TRIM42: variants seen among roughly 807,000 people sequenced by gnomAD.
The protein encoded by TRIM42 is tripartite motif-containing protein 42.
In TRIM42, 59 loss-of-function variants were observed where a neutral mutation model predicts 64.9. The observed-to-expected ratio is 0.91, with a 90% confidence interval of 0.74 to 1.13. TRIM42 has a LOEUF of 1.13. Among genes scored for constraint, TRIM42 ranks in the 50% most tolerant of loss-of-function variants. The probability of loss-of-function intolerance (pLI) is 0.00; values close to 1 mark genes in which losing one functional copy is unlikely to be tolerated. For missense variants in TRIM42, 878 were observed against 929.5 expected, an observed-to-expected ratio of 0.94 and a Z score of 0.72; for synonymous variants, 354 against 346.3, an observed-to-expected ratio of 1.02 and a Z score of -0.25.
Position 140,688,544 on chromosome 3 carries a change from T to C in TRIM42, c.1860+2T>C, listed in dbSNP as rs1305632811. The C allele has an allele frequency of 6.2e-7, 1 of 1,601,066 alleles. No homozygotes were observed. The highest frequency in any genetic ancestry group is 1.1e-5 in the South Asian group (1 of 88,950). On this transcript the variant is annotated splice_donor_variant, in intron 3 of 4. Coordinates refer to ENST00000286349, the MANE Select transcript of TRIM42 (RefSeq NM_152616.5). LOFTEE classifies it high-confidence loss of function. ...CTGGTGTACCCAAGAGCTGCCAAGG[T>C]AAGAAAGGTTCTGGGCCCAGTGGGG... is the stretch of plus-strand genomic sequence containing the variant.
intron 2 of TRIM42, among the ~76,000 whole-genome samples, chr3:140,686,775 G>A (rs894353874): frequency 6.6e-6 from 1 of 152,148 alleles, no homozygotes; most frequent in African/African-American, 2.4e-5. Flanking sequence ...CCACAGAAGG[G>A]TGACATTCTT....
chr3:140,689,048 A>G (rs1413053855), intron 3 of TRIM42, among the ~76,000 whole-genome samples: 3 of 152,112 alleles, frequency 2.0e-5, no homozygotes, highest in Non-Finnish European at 2.9e-5. Context: ...TGAAATTTCA[A>G]CTCTTCTGAG....
At chr3:140,685,724 T>C (rs1988530307) in intron 2 of TRIM42, among the ~76,000 whole-genome samples, 2 of 152,158 alleles carry the variant, frequency 1.3e-5, no homozygotes, top group African/African-American at 4.8e-5. Flanking sequence ...GAGCCACAGC[T>C]GAAGCAATTA....
chr3:140,683,241 G>T (rs1294332350), intron 2 of TRIM42, 82 bp downstream of exon 2: 9 of 1,404,748 alleles, frequency 6.4e-6, no homozygotes, highest in Non-Finnish European at 8.9e-6. Context: ...TCTGTTAAGT[G>T]AGTGCCTTAA....
intron 4 of TRIM42, among the ~76,000 whole-genome samples, chr3:140,696,383 G>A (rs148533779): frequency 1.3e-5 from 2 of 152,226 alleles, no homozygotes; most frequent in African/African-American, 4.8e-5. Flanking sequence ...GATAACACCT[G>A]ATCTTTCAGA....
Position 140,687,789 on chromosome 3 carries a change from G to A in TRIM42, c.1107G>A (p.Lys369=). ...NILKNSFKAD[K]EAKRKEIRNG... ...TAAAAAACAGCTTTAAAGCTGACAA[G>A]GAGGCAAAGCGAAAAGAGATCAGAA... Residue 369 remains lysine (K), a synonymous_variant, in exon 3 of 5, where the codon AAG becomes AAA. Coordinates refer to ENST00000286349, the MANE Select transcript of TRIM42 (RefSeq NM_152616.5). 1.2e-6 allele frequency: 2 copies of A among 1,614,194 alleles called. No individual in the cohort carries two copies. The highest frequency in any genetic ancestry group is 2.2e-5 in the East Asian group (1 of 44,882).
At chr3:140,697,320 A>G (rs1988876806) in intron 4 of TRIM42, among the ~76,000 whole-genome samples, 1 of 152,218 alleles carries the variant, frequency 6.6e-6, no homozygotes, top group South Asian at 2.1e-4. Flanking sequence ...ACTTCATAAA[A>G]TAGCAGAAAT....
chr3:140,692,646 C>T (rs1015376516), intron 4 of TRIM42, among the ~76,000 whole-genome samples: 24 of 152,082 alleles, frequency 1.6e-4, no homozygotes, highest in Non-Finnish European at 2.9e-5. Context: ...AGCCACTCCT[C>T]CTGCCAGCCT....
At chr3:140,700,339 T>C (rs1469799985) in intron 4 of TRIM42, among the ~76,000 whole-genome samples, 2 of 152,098 alleles carry the variant, frequency 1.3e-5, no homozygotes, top group South Asian at 2.1e-4. Context: ...AACTGGCAGA[T>C]TTACAAATTA....
At chr3:140,692,114 C>T (rs10049037) in intron 4 of TRIM42, among the ~76,000 whole-genome samples, 5 of 152,078 alleles carry the variant, frequency 3.3e-5, no homozygotes, top group Non-Finnish European at 5.9e-5. Context: ...CAGTTTCTCT[C>T]CCTCTCCCTC....
Position 140,687,702 on chromosome 3 carries a change from C to T in TRIM42, c.1040-20C>T. 6.4e-7 allele frequency: 1 copy of T among 1,574,552 alleles called. No individual in the cohort carries two copies. The highest frequency in any genetic ancestry group is 8.6e-7 in the Non-Finnish European group (1 of 1,160,546). On this transcript the variant is annotated intron_variant, in intron 2 of 4. Coordinates refer to ENST00000286349, the MANE Select transcript of TRIM42 (RefSeq NM_152616.5). ...GGGGAGATGAAAATTTTAAAAGTAACTAACTTGGCATTTTTGCAGTCCGAT... is the reference window on the plus strand; with the variant it reads ...GGGGAGATGAAAATTTTAAAAGTAATTAACTTGGCATTTTTGCAGTCCGAT...
Position 140,688,242 on chromosome 3 carries a change from C to T in TRIM42, c.1560C>T (p.Val520=). The part of the protein sequence containing the change: ...VHSETMIARK[V]TFSTHSLGNQ... The stretch of plus-strand genomic sequence containing the variant: ...CAGAAACAATGATTGCCAGGAAGGT[C>T]ACTTTCAGCACCCACAGCCTCGGCA... Residue 520 remains valine (V), a synonymous_variant, in exon 3 of 5, where the codon GTC becomes GTT. Transcript: ENST00000286349. The T allele has an allele frequency of 6.2e-7, 1 of 1,614,188 alleles. No individual in the cohort carries two copies. Among genetic ancestry groups the T allele is most frequent in the Non-Finnish European group, 8.5e-7 (1 of 1,180,038 alleles).
rs757930160 is a variant in TRIM42, at chr3:140,700,919, G to A, written c.2117G>A (p.Arg706Gln). The A allele has an allele frequency of 1.4e-5, 22 of 1,614,010 alleles. No homozygotes were observed. The highest frequency in any genetic ancestry group is 6.7e-5 in the African/African-American group (5 of 74,930). ...VVTPDGHGKN[R>Q]AKWGLLKNIQ... is the part of the protein sequence containing the mutation. Reference sequence around the variant, plus strand: ...ACACCAGATGGACATGGGAAGAACCGAGCTAAGTGGGGCCTGCTGAAGAAT... The same window carrying A: ...ACACCAGATGGACATGGGAAGAACCAAGCTAAGTGGGGCCTGCTGAAGAAT... Residue 706 changes from arginine to glutamine, a missense_variant, in exon 5 of 5, where the codon CGA becomes CAA. By Grantham distance (43) the Arg-to-Gln change is conservative. Transcript: ENST00000286349.
At chr3:140,693,347 G>A (rs1988769788) in intron 4 of TRIM42, among the ~76,000 whole-genome samples, 1 of 152,158 alleles carries the variant, frequency 6.6e-6, no homozygotes, top group Non-Finnish European at 1.5e-5. Context: ...ATATCTAAAT[G>A]AGCAGAGCCC....
intron 1 of TRIM42, chr3:140,680,808 C>A: frequency 2.1e-6 from 1 of 475,764 alleles, no homozygotes; most frequent in Non-Finnish European, 2.7e-6. Context: ...TTCTCTGTCA[C>A]CACAGGGCCA....
At chr3:140,683,967 C>G (rs1278577138) in intron 2 of TRIM42, among the ~76,000 whole-genome samples, 4 of 152,060 alleles carry the variant, frequency 2.6e-5, no homozygotes, top group Non-Finnish European at 5.9e-5. Context: ...GGGACAAAAC[C>G]AAGTATAATA....
Position 140,687,844 on chromosome 3 carries a change from C to G in TRIM42, c.1162C>G (p.Gln388Glu). The part of the protein sequence containing the change: ...NGFLKLRSIL[Q>E]EKEKIIMEQI... ...CTTTCTCAAGTTGCGCAGCATTCTT[C>G]AGGAGAAAGAGAAGATCATCATGGA... Residue 388 changes from glutamine to glutamate, a missense_variant, in exon 3 of 5, where the codon CAG becomes GAG. By Grantham distance (29) the Gln-to-Glu change is conservative (BLOSUM62 2). Coordinates refer to ENST00000286349, the MANE Select transcript of TRIM42 (RefSeq NM_152616.5). 1.2e-6 allele frequency: 2 copies of G among 1,614,176 alleles called. No individual in the cohort carries two copies. Among genetic ancestry groups the G allele is most frequent in the East Asian group, 4.5e-5 (2 of 44,884 alleles).
intron 3 of TRIM42, among the ~76,000 whole-genome samples, chr3:140,689,849 T>A (rs1007959184): frequency 6.6e-6 from 1 of 151,278 alleles, no homozygotes; most frequent in African/African-American, 2.4e-5. Flanking sequence ...CTGGGTCTCA[T>A]CTCCTTGACC....
In TRIM42 at chr3:140,687,889, G is replaced by A. The variant is rs1386188183; in HGVS notation, c.1207G>A (p.Val403Met). 6.2e-6 allele frequency: 10 copies of A among 1,614,112 alleles called. No homozygotes were observed. The highest frequency in any genetic ancestry group is 8.5e-6 in the Non-Finnish European group (10 of 1,180,050). ...CATGGAGCAGATAGAGAATCTAGAA[G>A]TGTCCAGGCAGAAGGAAATTGAAAA... Reference protein sequence around the residue: ...IIMEQIENLEVSRQKEIEKYV... With the variant: ...IIMEQIENLEMSRQKEIEKYV... Residue 403 changes from valine to methionine, a missense_variant, in exon 3 of 5, where the codon GTG (valine) becomes ATG (methionine). Physicochemically the swap from Val to Met is conservative, Grantham distance 21. Transcript: ENST00000286349.
Sources: gnomAD v4.1 joint callset for allele counts (sites outside exome capture counted in the v4.1 genomes callset) on GRCh38, gnomAD v4.1.1 for gene constraint, MANE v1.5 for transcripts, NCBI Gene and HGNC (gene_info 2026-07-23, HGNC 2026-07-21) for gene names.